The following ZNF423 variants were observed in gnomAD, a reference collection of about 807,000 sequenced individuals.
ZNF423 encodes the protein Ebf-associated zinc finger protein.
A neutral mutation model predicts 95.8 loss-of-function variants in ZNF423; 12 were observed. The observed-to-expected ratio is 0.13, with a 90% CI of 0.08 to 0.20. The LOEUF is 0.20. Ranked by LOEUF, ZNF423 falls within the 10% of genes least tolerant of loss-of-function variation. ZNF423 has a pLI of 1.00. For missense variants in ZNF423, 1,316 were observed against 1,737.1 expected, an observed-to-expected ratio of 0.76 and a Z score of 4.31; for synonymous variants, 749 against 711.9, an observed-to-expected ratio of 1.05 and a Z score of -0.83.
intron 1 of ZNF423, among the ~76,000 whole-genome samples, chr16:49,851,535 T>C (rs1398974347): frequency 6.6e-6 from 1 of 152,240 alleles, no homozygotes; most frequent in Non-Finnish European, 1.5e-5. Context: ...CTAGGAACGC[T>C]GTACTCAAGT....
At chr16:49,556,297 T>G (rs1431633611) in intron 5 of ZNF423, among the ~76,000 whole-genome samples, 3 of 152,196 alleles carry the variant, frequency 2.0e-5, no homozygotes, top group African/African-American at 7.2e-5. Flanking sequence ...CTCTCATCAC[T>G]CTTCAAGTCA....
At chr16:49,618,162 G>A (rs1971938543) in intron 5 of ZNF423, among the ~76,000 whole-genome samples, 1 of 152,190 alleles carries the variant, frequency 6.6e-6, no homozygotes, top group South Asian at 2.1e-4. Context: ...CTGAGTTCAG[G>A]TCCCTACCCT....
intron 3 of ZNF423, among the ~76,000 whole-genome samples, chr16:49,720,070 A>G (rs1269284480): frequency 1.3e-5 from 2 of 152,124 alleles, no homozygotes; most frequent in Non-Finnish European, 2.9e-5. Flanking sequence ...TTGACACACC[A>G]TTACCCCACC....
At chr16:49,691,930 T>C (rs377360269) in intron 3 of ZNF423, among the ~76,000 whole-genome samples, 2 of 151,968 alleles carry the variant, frequency 1.3e-5, no homozygotes, top group Non-Finnish European at 2.9e-5. Context: ...CCATTTCTTT[T>C]CTTATTTTGT....
intron 1 of ZNF423, among the ~76,000 whole-genome samples, chr16:49,799,768 T>TG (rs1453796054): frequency 2.6e-5 from 4 of 152,290 alleles, no homozygotes; most frequent in Admixed American, 2.6e-4. Flanking sequence ...GTGAAACACT[T>TG]GAAGTTTTCT....
Position 49,635,711 on chromosome 16 carries a change from C to T in ZNF423, c.3465G>A (p.Thr1155=), listed in dbSNP as rs370113263. 3.7e-6 allele frequency: 6 copies of T among 1,605,096 alleles called. No individual in the cohort carries two copies. The highest frequency in any genetic ancestry group is 2.7e-5 in the African/African-American group (2 of 74,416). ...SHMQVDHRDL[T]PETSGPRKGT... The stretch of plus-strand genomic sequence containing the variant: ...CTTTCCGGGGCCCACTGGTCTCCGG[C>T]GTGAGGTCACGGTGGTCCACCTGCA... The change falls in exon 4 of 8, where the codon ACG becomes ACA. Residue 1155 remains threonine (T), a synonymous_variant. Coordinates refer to ENST00000563137, the MANE Select transcript of ZNF423 (RefSeq NM_001379286.1). The surrounding 1 kb of genome is among the most constrained non-coding windows in gnomAD (Gnocchi z 4.8).
Position 49,677,273 on chromosome 16 carries a change from G to GAAGAGAAGAGAAGAGAAGAA in ZNF423, c.302-38400_302-38399insTTCTTCTCTTCTCTTCTCTT, listed in dbSNP as rs1596837029. On this transcript the variant is annotated intron_variant, in intron 3 of 7. Transcript: ENST00000563137. Reference sequence around the variant, plus strand: ...TAAGAGAAGAGAAGAGAAGAGAAGAGAAGAGAAGAGAAGAGAAGAGAAGAG... The same window carrying GAAGAGAAGAGAAGAGAAGAA: ...TAAGAGAAGAGAAGAGAAGAGAAGAGAAGAGAAGAGAAGAGAAGAAAAGAGAAGAGAAGAGAAGAGAAGAG... Among the ~76,000 whole-genome samples the GAAGAGAAGAGAAGAGAAGAA allele has an allele frequency of 5.5e-5, 4 of 73,196 alleles. No homozygotes were observed. The East Asian group carries it at 1.6e-3, about 29-fold the overall frequency. 48.0% of individuals were successfully genotyped at this position (73,196 alleles called of 152,430 possible). A position where few individuals can be genotyped will look rare whatever the true frequency, so the allele number is the denominator to read the frequency against.
intron 5 of ZNF423, among the ~76,000 whole-genome samples, chr16:49,599,086 T>C (rs1380382434): frequency 6.6e-6 from 1 of 152,174 alleles, no homozygotes; most frequent in African/African-American, 2.4e-5. Context: ...ACTGTACACA[T>C]GTGTGTGCAC....
intron 2 of ZNF423, 79 bp from the exon 3 acceptor site, chr16:49,731,050 T>G: frequency 6.7e-7 from 1 of 1,491,878 alleles, no homozygotes; most frequent in Non-Finnish European, 9.2e-7. Flanking sequence ...CCGGCATTTA[T>G]TAAGATACAT....
intron 5 of ZNF423, among the ~76,000 whole-genome samples, chr16:49,540,976 C>T (rs1484168791): frequency 2.0e-5 from 3 of 152,196 alleles, no homozygotes; most frequent in Non-Finnish European, 2.9e-5. Flanking sequence ...AAACACCTCC[C>T]CAACTTCCCA....
At chr16:49,656,564 A>C (rs796838319) in intron 3 of ZNF423, among the ~76,000 whole-genome samples, 8 of 152,306 alleles carry the variant, frequency 5.3e-5, no homozygotes, top group African/African-American at 1.9e-4. Flanking sequence ...AGTTCATCTT[A>C]TAATTTTCCC....
intron 2 of ZNF423, among the ~76,000 whole-genome samples, chr16:49,757,694 C>T (rs773241467): frequency 6.6e-6 from 1 of 152,206 alleles, no homozygotes; most frequent in Admixed American, 6.5e-5. Context: ...GCAGGAAATA[C>T]ACCCCTGTCA....
intron 7 of ZNF423, among the ~76,000 whole-genome samples, chr16:49,494,827 C>G (rs1489438306): frequency 6.6e-6 from 1 of 152,234 alleles, no homozygotes; most frequent in Non-Finnish European, 1.5e-5. Context: ...GTCCGTCCCC[C>G]ACAGCTAGAA....
At chr16:49,822,066 T>G (rs1407558986) in intron 1 of ZNF423, among the ~76,000 whole-genome samples, 1 of 152,158 alleles carries the variant, frequency 6.6e-6, no homozygotes, top group Middle Eastern at 3.2e-3. Context: ...AGTCCCTGGT[T>G]GGCTGGTGAA....
At chr16:49,613,482 C>G (rs537491675) in intron 5 of ZNF423, among the ~76,000 whole-genome samples, 74 of 152,304 alleles carry the variant, frequency 4.9e-4, no homozygotes, top group African/African-American at 1.7e-3. Context: ...TGCTTGAAGC[C>G]AGGAGTTCAA....
intron 5 of ZNF423, among the ~76,000 whole-genome samples, chr16:49,563,539 G>C (rs1176158695): frequency 1.3e-5 from 2 of 152,228 alleles, no homozygotes; most frequent in Admixed American, 6.5e-5. Context: ...CTCTGAGAGA[G>C]ATGCTGTCAT....
intron 5 of ZNF423, among the ~76,000 whole-genome samples, chr16:49,616,574 G>A (rs181823321): frequency 1.3e-5 from 2 of 151,948 alleles, no homozygotes; most frequent in Non-Finnish European, 2.9e-5. Context: ...TGCCTGTATC[G>A]AAAGATCTCA....
chr16:49,556,721 T>C (rs1386216669), intron 5 of ZNF423, among the ~76,000 whole-genome samples: 3 of 152,236 alleles, frequency 2.0e-5, no homozygotes, highest in Non-Finnish European at 4.4e-5. Flanking sequence ...ACAAATTCTT[T>C]TGTAAATGCC....
At chr16:49,722,151 G>A (rs895375241) in intron 3 of ZNF423, among the ~76,000 whole-genome samples, 1 of 152,188 alleles carries the variant, frequency 6.6e-6, no homozygotes, top group Non-Finnish European at 1.5e-5. Flanking sequence ...TGGTTCCCCA[G>A]CTTACTCCGG....
Sources: allele counts gnomAD v4.1 joint callset (sites outside exome capture counted in the v4.1 genomes callset), GRCh38; gene constraint gnomAD v4.1.1; non-coding constraint Gnocchi (gnomAD v3.1); transcripts MANE v1.5; gene names NCBI Gene and HGNC (gene_info 2026-07-23, HGNC 2026-07-21).